Variants in KIAA0825 observed in about 807,000 individuals in gnomAD.
KIAA0825 encodes uncharacterized protein KIAA0825.
KIAA0825 carries 119 observed loss-of-function variants against 147.6 expected under a neutral mutation model. That is an observed-to-expected ratio of 0.81 (90% CI 0.69 to 0.94). KIAA0825 has a LOEUF of 0.94. Among genes scored for constraint, KIAA0825 ranks in the 40% least tolerant of loss-of-function variants. The pLI is 0.00. For missense variants in KIAA0825, 1,381 were observed against 1,472.7 expected, an observed-to-expected ratio of 0.94 and a Z score of 1.02; for synonymous variants, 470 against 518.1, an observed-to-expected ratio of 0.91 and a Z score of 1.26.
At chr5:94,359,446 T>C (rs1744752405) in intron 20 of KIAA0825, among the ~76,000 whole-genome samples, 2 of 152,166 alleles carry the variant, frequency 1.3e-5, no homozygotes, top group African/African-American at 4.8e-5. Context: ...CTTAGACTTA[T>C]TACTATGGTT....
At chr5:94,313,471 C>A (rs1779356285) in intron 20 of KIAA0825, among the ~76,000 whole-genome samples, 1 of 151,602 alleles carries the variant, frequency 6.6e-6, no homozygotes. Flanking sequence ...AGCAGGAATT[C>A]TAATAAAATG....
chr5:94,295,310 A>T (rs180687610), intron 20 of KIAA0825, among the ~76,000 whole-genome samples: 95 of 152,164 alleles, frequency 6.2e-4, no homozygotes, highest in African/African-American at 2.2e-3. Flanking sequence ...TATTCTAGTT[A>T]GCAATTCCTC....
intron 20 of KIAA0825, among the ~76,000 whole-genome samples, chr5:94,316,079 C>T (rs1016176167): frequency 1.3e-5 from 2 of 151,554 alleles, no homozygotes; most frequent in African/African-American, 2.4e-5. Flanking sequence ...TAATGAACAA[C>T]GAGGTTAAAT....
At chr5:94,572,114 A>AAT (rs34364806) in intron 2 of KIAA0825, among the ~76,000 whole-genome samples, 1 of 150,572 alleles carries the variant, frequency 6.6e-6, no homozygotes, top group Non-Finnish European at 1.5e-5. Flanking sequence ...AAAAAAAAAA[A>AAT]GCCCCACAAA....
At chr5:94,425,842 T>G (rs1584458311) in intron 14 of KIAA0825, among the ~76,000 whole-genome samples, 1 of 152,048 alleles carries the variant, frequency 6.6e-6, no homozygotes, top group Non-Finnish European at 1.5e-5. Flanking sequence ...ATGGCATGTT[T>G]TGCATTTCTC....
rs1761983913 is a variant in KIAA0825 at position 94,477,125 on chromosome 5, G to C, written c.1213C>G (p.Leu405Val). 6.5e-7 allele frequency: 1 copy of C among 1,550,250 alleles called. No homozygotes were observed. Among genetic ancestry groups the C allele is most frequent in the African/African-American group, 1.4e-5 (1 of 72,926 alleles). The change falls in exon 7 of 21, where the codon CTA (leucine) becomes GTA (valine). Residue 405 changes from leucine (L) to valine (V), a missense_variant. Coordinates refer to ENST00000682413, the MANE Select transcript of KIAA0825 (RefSeq NM_001145678.3). ...CCTTCACTTACCTCTTTTCCTGGTA[G>C]TGATTGCTCGGAAGGAATATTGGTT... is the stretch of plus-strand genomic sequence containing the variant. ...NETNIPSEQSLPGKEATLLDF... is the reference protein window; with the variant it reads ...NETNIPSEQSVPGKEATLLDF...
In KIAA0825 at chr5:94,353,267, C is replaced by T. The variant is rs190368928; in HGVS notation, c.3710+31101G>A. ...CATTTTAAAAGATTCTCTTTGTATC[C>T]AAAAGACAATATGAAGTCTTCAATT... On this transcript the variant is annotated intron_variant, in intron 20 of 20. Coordinates refer to ENST00000682413, the MANE Select transcript of KIAA0825 (RefSeq NM_001145678.3). 6.6e-5 allele frequency among the ~76,000 whole-genome samples: 10 copies of T among 152,124 alleles called. No individual in the cohort carries two copies. In the East Asian group the frequency reaches 1.7e-3, roughly 26 times the overall value.
intron 20 of KIAA0825, among the ~76,000 whole-genome samples, chr5:94,318,015 C>A (rs1265036679): frequency 6.6e-6 from 1 of 151,080 alleles, no homozygotes; most frequent in African/African-American, 2.4e-5. Flanking sequence ...ATGCCCAATT[C>A]TTATATACCA....
chr5:94,429,938 C>A (rs907513612), intron 14 of KIAA0825, among the ~76,000 whole-genome samples: 3 of 152,102 alleles, frequency 2.0e-5, no homozygotes, highest in African/African-American at 7.2e-5. Context: ...GGCTTCCCTG[C>A]ACCAGAATCT....
chr5:94,576,129 A>G (rs1288390196), intron 2 of KIAA0825, among the ~76,000 whole-genome samples: 2 of 152,232 alleles, frequency 1.3e-5, no homozygotes, highest in Admixed American at 1.3e-4. Flanking sequence ...ATGTCACACT[A>G]TAGTTCATGA....
At chr5:94,447,199 C>T (rs1285130034) in intron 13 of KIAA0825, among the ~76,000 whole-genome samples, 1 of 151,706 alleles carries the variant, frequency 6.6e-6, no homozygotes, top group South Asian at 2.1e-4. Flanking sequence ...GGTTGGTACC[C>T]ATATATTATG....
At chr5:94,279,882 G>T (rs569775077) in intron 20 of KIAA0825, among the ~76,000 whole-genome samples, 2 of 152,204 alleles carry the variant, frequency 1.3e-5, no homozygotes, top group African/African-American at 4.8e-5. Flanking sequence ...TTCCCTGGAT[G>T]AGGTCACTCC....
intron 14 of KIAA0825, among the ~76,000 whole-genome samples, chr5:94,429,235 A>G (rs965979390): frequency 1.3e-5 from 2 of 152,182 alleles, no homozygotes; most frequent in African/African-American, 2.4e-5. Context: ...GAGCTAGTGC[A>G]ATCCTTTGGT....
chr5:94,180,286 C>A (rs1769488517), intron 20 of KIAA0825, among the ~76,000 whole-genome samples: 1 of 151,840 alleles, frequency 6.6e-6, no homozygotes, highest in African/African-American at 2.4e-5. Flanking sequence ...TCTTACAAAC[C>A]AAAATTGAGG....
chr5:94,350,277 A>T (rs1783500627), intron 20 of KIAA0825, among the ~76,000 whole-genome samples: 2 of 152,164 alleles, frequency 1.3e-5, no homozygotes, highest in Admixed American at 1.3e-4. Context: ...GCGAGATTGA[A>T]ATAGTAATTT....
At chr5:94,331,920 G>A (rs1393022156) in intron 20 of KIAA0825, among the ~76,000 whole-genome samples, 1 of 152,044 alleles carries the variant, frequency 6.6e-6, no homozygotes, top group Non-Finnish European at 1.5e-5. Context: ...GCTGAGGTGG[G>A]TGGACCTTAG....
chr5:94,379,307 C>T (rs974387143), intron 20 of KIAA0825, among the ~76,000 whole-genome samples: 2 of 152,106 alleles, frequency 1.3e-5, no homozygotes, highest in Non-Finnish European at 2.9e-5. Flanking sequence ...AGTTCAGTTT[C>T]AATCTTTTGC....
At chr5:94,519,903 G>T in intron 5 of KIAA0825, 1 of 648,632 alleles carries the variant, frequency 1.5e-6, no homozygotes, top group Non-Finnish European at 1.9e-6. Context: ...AGATAAAGGA[G>T]CTTATATGTG....
At chr5:94,179,517 C>T (rs1769406753) in intron 20 of KIAA0825, among the ~76,000 whole-genome samples, 1 of 152,060 alleles carries the variant, frequency 6.6e-6, no homozygotes, top group Non-Finnish European at 1.5e-5. Context: ...TTAGTAACCA[C>T]ACATATATTT....
Sources: allele counts gnomAD v4.1 joint callset (sites outside exome capture counted in the v4.1 genomes callset), GRCh38; gene constraint gnomAD v4.1.1; transcripts MANE v1.5; gene names NCBI Gene and HGNC (gene_info 2026-07-23, HGNC 2026-07-21).